The following MPP2 variants were observed in gnomAD, a reference collection of about 807,000 sequenced individuals.
MPP2 encodes the protein MAGUK p55 subfamily member 2.
MPP2 carries 42 observed loss-of-function variants against 58.5 expected under a neutral mutation model. The observed-to-expected ratio is 0.72, with a 90% CI of 0.56 to 0.93. The LOEUF is 0.93. Ranked by LOEUF, MPP2 falls within the 40% of genes least tolerant of loss-of-function variation. The pLI is 0.00. For missense variants in MPP2, 632 were observed against 760.4 expected (o/e 0.83, Z 1.99); for synonymous variants, 300 against 307.8 (o/e 0.97, Z 0.26).
upstream of MPP2, chr17:43,909,562 A>T (rs1274969338): frequency 2.7e-6 from 4 of 1,470,738 alleles, no homozygotes; most frequent in Non-Finnish European, 3.6e-6. Context: ...ACCCACATCA[A>T]ATCTTCCATT....
intron 2 of MPP2, chr17:43,900,447 C>T (rs1309281418): frequency 1.3e-6 from 2 of 1,545,990 alleles, no homozygotes; most frequent in Admixed American, 2.0e-5. Context: ...CTGCCCCGCC[C>T]CCATCTGGCC....
chr17:43,900,442 C>G, intron 2 of MPP2: 24 of 1,546,674 alleles, frequency 1.6e-5, no homozygotes, highest in Non-Finnish European at 2.0e-5. Context: ...GCCAGCTGCC[C>G]CGCCCCCATC....
In MPP2 at chr17:43,898,303, G is replaced by T. The variant is rs771345504; in HGVS notation, c.109C>A (p.Arg37=). The T allele has an allele frequency of 5.6e-6, 9 of 1,614,158 alleles. No individual in the cohort carries two copies. The highest frequency in any genetic ancestry group is 3.3e-5 in the South Asian group (3 of 91,082). ...GAAELDLIFL[R]GIMESPIVRS... is the part of the protein sequence containing the mutation. Reference sequence around the variant, plus strand: ...ACTATGGGACTTTCCATAATGCCTCGAAGGAAGATCAGGTCCAGCTCTGCA... The same window carrying T: ...ACTATGGGACTTTCCATAATGCCTCTAAGGAAGATCAGGTCCAGCTCTGCA... The change falls in exon 3 of 13, where the codon CGA becomes AGA. Residue 37 remains arginine, a synonymous_variant. Coordinates refer to ENST00000269095, the MANE Select transcript of MPP2 (RefSeq NM_005374.5).
In MPP2 at chr17:43,898,372, G is replaced by C; in HGVS notation, c.40C>G (p.Gln14Glu). The change falls in exon 3 of 13, where the codon CAA (glutamine) becomes GAA (glutamate). Residue 14 changes from glutamine to glutamate, a missense_variant. Coordinates refer to ENST00000269095, the MANE Select transcript of MPP2 (RefSeq NM_005374.5). ...AGGGATCCCAAGTTGTCCAGGACTT[G>C]CTGCATGGCTGGGGGAAGGTACGGG... ...AATNSETAMQ[Q>E]VLDNLGSLPS... is the part of the protein sequence containing the mutation. 1 of 1,613,426 alleles carries C rather than the reference G, an allele frequency of 6.2e-7. No homozygotes were observed. The highest frequency in any genetic ancestry group is 8.5e-7 in the Non-Finnish European group (1 of 1,179,400).
At position 43,877,585 on chromosome 17, in the gene MPP2, G is replaced by A. The variant is rs566919894; in HGVS notation, c.*222C>T. 1.2e-5 allele frequency: 7 copies of A among 570,748 alleles called. No individual in the cohort carries two copies. In the South Asian group the frequency reaches 1.5e-4, roughly 13 times the overall value. The allele number at this position is 570,748 out of a possible 1,614,324, so 35.4% of individuals were successfully genotyped here. ...GATATCTGGTGACCAATGGGCATCA[G>A]GAGTGGGCAGCACCTGGGCACAAGG... On this transcript the variant is annotated 3_prime_UTR_variant, in exon 13 of 13. Transcript: ENST00000269095.
chr17:43,881,678 G>C lies in MPP2; in HGVS notation c.682-89C>G, dbSNP rs992640287. The C allele has an allele frequency of 4.0e-6, 6 of 1,495,216 alleles. No homozygotes were observed. The African/African-American group carries it at 8.4e-5, about 21-fold the overall frequency. 92.6% of individuals were successfully genotyped at this position (1,495,216 alleles called of 1,614,324 possible). A position where few individuals can be genotyped will look rare whatever the true frequency, so the allele number is the denominator to read the frequency against. On this transcript the variant is annotated intron_variant, in intron 6 of 12. Transcript: ENST00000269095. Reference sequence around the variant, plus strand: ...ACCCCATGCCCCCTCTTTTCACAGAGACTAAGGGGCAATGGAACTGTCCCC... The same window carrying C: ...ACCCCATGCCCCCTCTTTTCACAGACACTAAGGGGCAATGGAACTGTCCCC...
chr17:43,889,830 TG>T (rs1555609323), intron 3 of MPP2, among the ~76,000 whole-genome samples: 1 of 118,128 alleles, frequency 8.5e-6, no homozygotes, highest in Non-Finnish European at 1.8e-5. Context: ...TTTTTTTTTT[TG>T]AGACAGAGTC....
chr17:43,904,012 C>T (rs575057366), intron 2 of MPP2, among the ~76,000 whole-genome samples: 5 of 152,188 alleles, frequency 3.3e-5, no homozygotes, highest in Admixed American at 6.5e-5. Flanking sequence ...TAGTGGGCAG[C>T]GATTATGGAC....
intron 2 of MPP2, chr17:43,900,583 C>G: frequency 1.3e-6 from 2 of 1,513,878 alleles, no homozygotes; most frequent in Non-Finnish European, 1.8e-6. Context: ...ACTCCCGGAG[C>G]GTCCTACACG....
At chr17:43,909,595 T>C, upstream of MPP2, 1 of 1,486,142 alleles carries the variant, frequency 6.7e-7, no homozygotes, top group East Asian at 2.6e-5. Context: ...CTCAGGACAG[T>C]CTGGGATCTC....
intron 6 of MPP2, among the ~76,000 whole-genome samples, chr17:43,881,832 G>T (rs2047138492): frequency 6.6e-6 from 1 of 152,126 alleles, no homozygotes; most frequent in East Asian, 1.9e-4. Flanking sequence ...ACAGGACCCT[G>T]GCACCTAATC....
In MPP2 at chr17:43,899,242, G is replaced by A. The variant is rs574152517; in HGVS notation, c.32-862C>T. Reference sequence around the variant, plus strand: ...ATCCTGGGCGACAGAGCAAGACTCCGTCTCAAAAAAAAAAAAAAGAAAAAG... The same window carrying A: ...ATCCTGGGCGACAGAGCAAGACTCCATCTCAAAAAAAAAAAAAAGAAAAAG... On this transcript the variant is annotated intron_variant, in intron 2 of 12. Coordinates refer to ENST00000269095, the MANE Select transcript of MPP2 (RefSeq NM_005374.5). Among the ~76,000 whole-genome samples the A allele has an allele frequency of 4.1e-4, 42 of 101,474 alleles. No homozygotes were observed. The South Asian group carries it at 0.017, about 40-fold the overall frequency. The allele number at this position is 101,474 out of a possible 152,430, so 66.6% of individuals were successfully genotyped here. A position where few individuals can be genotyped will look rare whatever the true frequency, so the allele number is the denominator to read the frequency against.
Position 43,898,455 on chromosome 17 carries a change from G to T in MPP2, c.32-75C>A, listed in dbSNP as rs1050861036. 53 of 980,604 alleles carry T rather than the reference G, an allele frequency of 5.4e-5. No homozygotes were observed. The African/African-American group carries it at 6.9e-4, about 13-fold the overall frequency. The allele number at this position is 980,604 out of a possible 1,614,324, so 60.7% of individuals were successfully genotyped here. On this transcript the variant is annotated intron_variant, in intron 2 of 12. Transcript: ENST00000269095. ...AAGACCAAAACACACCACAATACTT[G>T]CCACTTCCCCACCCCCATGTCCCAC...
intron 2 of MPP2, chr17:43,900,501 A>G (rs1254045809): frequency 1.9e-6 from 3 of 1,547,806 alleles, no homozygotes; most frequent in Non-Finnish European, 2.6e-6. Context: ...TCCTCAGAAG[A>G]CTCCAGGGAT....
At chr17:43,883,089 G>T (rs1285866467) in intron 4 of MPP2, 37 bp from the exon 5 acceptor site, 1 of 1,584,414 alleles carries the variant, frequency 6.3e-7, no homozygotes. Flanking sequence ...CAATGGGGCA[G>T]TGTCCCGGGT....
At chr17:43,907,086 C>G in intron 1 of MPP2, 1 of 847,226 alleles carries the variant, frequency 1.2e-6, no homozygotes, top group Non-Finnish European at 1.4e-6. Context: ...CAACCTCTGT[C>G]TCGCTCCCCA....
In MPP2 at chr17:43,882,453, C is replaced by A; in HGVS notation, c.512G>T (p.Gly171Val). ...ELVIARILHG[G>V]MVAQQGLLHV... is the part of the protein sequence containing the mutation. Reference sequence around the variant, plus strand: ...CAGCAGGCCTTGTTGAGCCACCATGCCCCCATGCAGAATGCGCGCGATCAC... The same window carrying A: ...CAGCAGGCCTTGTTGAGCCACCATGACCCCATGCAGAATGCGCGCGATCAC... Residue 171 changes from glycine to valine, a missense_variant, in exon 6 of 13, where the codon GGC becomes GTC. Coordinates refer to ENST00000269095, the MANE Select transcript of MPP2 (RefSeq NM_005374.5). 1.2e-6 allele frequency: 2 copies of A among 1,607,880 alleles called. No homozygotes were observed. The highest frequency in any genetic ancestry group is 8.5e-7 in the Non-Finnish European group (1 of 1,179,430).
intron 2 of MPP2, among the ~76,000 whole-genome samples, chr17:43,902,884 G>A (rs1265328993): frequency 2.6e-5 from 4 of 152,164 alleles, no homozygotes; most frequent in East Asian, 1.9e-4. Flanking sequence ...CGTGCACTAC[G>A]GGAATCCATG....
chr17:43,907,465 G>A lies in MPP2; in HGVS notation c.-34+9C>T. Reference sequence around the variant, plus strand: ...ATAGGAGCTGGCCCGGGGGCCGGGGGACGCCTACCTGCGCCCCGGGAAGCC... The same window carrying A: ...ATAGGAGCTGGCCCGGGGGCCGGGGAACGCCTACCTGCGCCCCGGGAAGCC... On this transcript the variant is annotated intron_variant, in intron 1 of 12. Coordinates refer to ENST00000269095, the MANE Select transcript of MPP2 (RefSeq NM_005374.5). 2.0e-6 allele frequency: 2 copies of A among 985,582 alleles called. No homozygotes were observed. Among genetic ancestry groups the A allele is most frequent in the Non-Finnish European group, 2.4e-6 (2 of 830,024 alleles). 61.1% of individuals were successfully genotyped at this position (985,582 alleles called of 1,614,324 possible).
Sources: gnomAD v4.1 joint callset for allele counts (sites outside exome capture counted in the v4.1 genomes callset) on GRCh38, gnomAD v4.1.1 for gene constraint, MANE v1.5 for transcripts, NCBI Gene and HGNC (gene_info 2026-07-23, HGNC 2026-07-21) for gene names.